The following KCNMB2 variants were observed in gnomAD, a reference collection of about 807,000 sequenced individuals.
KCNMB2 encodes calcium-activated potassium channel subunit beta-2.
In KCNMB2, 9 loss-of-function variants were observed where a neutral mutation model predicts 24.5. The ratio of observed to expected loss-of-function variants is 0.37; its 90% confidence interval spans 0.22 to 0.64. The LOEUF is 0.64. Ranked by LOEUF, KCNMB2 falls within the 30% of genes least tolerant of loss-of-function variation. The pLI, the probability that KCNMB2 is intolerant of heterozygous loss-of-function variation, is 0.63. For synonymous variants in KCNMB2, 109 were observed against 104.4 expected (o/e 1.04, Z -0.27); for missense variants, 226 against 284.3 (o/e 0.79, Z 1.47).
chr3:178,566,406 TCAAA>T (rs1260708302), intron 1 of KCNMB2, among the ~76,000 whole-genome samples: 12 of 152,044 alleles, frequency 7.9e-5, no homozygotes, highest in Non-Finnish European at 1.5e-5. Context: ...GCCGTGTCAC[TCAAA>T]CACACACGCA....
intron 1 of KCNMB2, among the ~76,000 whole-genome samples, chr3:178,637,292 A>G (rs1719562351): frequency 6.6e-6 from 1 of 152,210 alleles, no homozygotes; most frequent in African/African-American, 2.4e-5. Flanking sequence ...TGTCTTACAC[A>G]ACGGTTGAAT....
At chr3:178,691,145 A>G (rs1370633062) in intron 1 of KCNMB2, among the ~76,000 whole-genome samples, 1 of 74,422 alleles carries the variant, frequency 1.3e-5, no homozygotes, top group Non-Finnish European at 2.4e-5. Flanking sequence ...ACGGGGTTTC[A>G]CCATGTTTCC....
intron 1 of KCNMB2, among the ~76,000 whole-genome samples, chr3:178,679,666 T>C (rs889948729): frequency 3.9e-5 from 6 of 152,054 alleles, no homozygotes; most frequent in Non-Finnish European, 8.8e-5. Flanking sequence ...ATTTCAAGGA[T>C]CTTTGGAAAC....
intron 2 of KCNMB2, among the ~76,000 whole-genome samples, chr3:178,822,984 A>G (rs1193249968): frequency 6.6e-6 from 1 of 152,188 alleles, no homozygotes; most frequent in African/African-American, 2.4e-5. Flanking sequence ...AGTTAAATAC[A>G]TGTTGATAAA....
intron 4 of KCNMB2, among the ~76,000 whole-genome samples, chr3:178,833,899 G>T (rs748168995): frequency 6.6e-6 from 1 of 152,122 alleles, no homozygotes; most frequent in Admixed American, 6.5e-5. Context: ...CTACAAGAGG[G>T]CTCAAGGGTC....
At chr3:178,820,913 C>T (rs1251634840) in intron 2 of KCNMB2, among the ~76,000 whole-genome samples, 1 of 152,222 alleles carries the variant, frequency 6.6e-6, no homozygotes, top group Non-Finnish European at 1.5e-5. Flanking sequence ...TTATTGTCAA[C>T]ATGTGGTTCA....
At chr3:178,537,864 G>C (rs1306318609) in intron 1 of KCNMB2, among the ~76,000 whole-genome samples, 1 of 152,138 alleles carries the variant, frequency 6.6e-6, no homozygotes, top group Non-Finnish European at 1.5e-5. Flanking sequence ...GTATTCTGAG[G>C]CATAGATTGG....
At chr3:178,668,561 G>C (rs1720796871) in intron 1 of KCNMB2, among the ~76,000 whole-genome samples, 1 of 152,100 alleles carries the variant, frequency 6.6e-6, no homozygotes. Context: ...AGGGGGCTGA[G>C]CTTGGAAGCT....
chr3:178,759,252 T>A (rs2108405441), intron 1 of KCNMB2, among the ~76,000 whole-genome samples: 1 of 121,110 alleles, frequency 8.3e-6, no homozygotes, highest in East Asian at 2.4e-4. Flanking sequence ...TATATATATC[T>A]CTCCAAGAAG....
At chr3:178,643,380 T>C (rs908861027) in intron 1 of KCNMB2, among the ~76,000 whole-genome samples, 1 of 152,108 alleles carries the variant, frequency 6.6e-6, no homozygotes, top group Admixed American at 6.5e-5. Flanking sequence ...GTGATAAAGT[T>C]GTATAGCCCT....
At chr3:178,754,195 C>CATAT (rs144108176) in intron 1 of KCNMB2, among the ~76,000 whole-genome samples, 10,521 of 137,366 alleles carry the variant, frequency 0.077, 615 homozygotes, top group African/African-American at 0.16. Context: ...CACACACATA[C>CATAT]ATATATATAT....
At chr3:178,809,046 G>C (rs939532564) in intron 2 of KCNMB2, among the ~76,000 whole-genome samples, 1 of 152,098 alleles carries the variant, frequency 6.6e-6, no homozygotes, top group Non-Finnish European at 1.5e-5. Context: ...TTTTCTCAAG[G>C]CTTAATCAAA....
At chr3:178,834,123 A>AT (rs1464249385) in intron 4 of KCNMB2, among the ~76,000 whole-genome samples, 5 of 152,166 alleles carry the variant, frequency 3.3e-5, no homozygotes, top group Non-Finnish European at 7.4e-5. Context: ...AGCTATACCC[A>AT]TTTTTTGGTA....
At chr3:178,571,766 G>A (rs568848799) in intron 1 of KCNMB2, among the ~76,000 whole-genome samples, 15 of 151,646 alleles carry the variant, frequency 9.9e-5, no homozygotes, top group Non-Finnish European at 2.1e-4. Context: ...TCCCAATTAC[G>A]AATGAGAACA....
chr3:178,554,355 T>TG (rs1466277475), intron 1 of KCNMB2, among the ~76,000 whole-genome samples: 1 of 152,242 alleles, frequency 6.6e-6, no homozygotes, highest in East Asian at 1.9e-4. Flanking sequence ...AAATATTTAT[T>TG]GGAGTCAAAT....
At chr3:178,798,890 A>G (rs1007825948) in intron 1 of KCNMB2, among the ~76,000 whole-genome samples, 2 of 152,130 alleles carry the variant, frequency 1.3e-5, no homozygotes, top group African/African-American at 4.8e-5. Flanking sequence ...AAAAATTAAA[A>G]TTAAGAAAAA....
At chr3:178,727,506 G>C (rs139135144) in intron 1 of KCNMB2, among the ~76,000 whole-genome samples, 2 of 152,226 alleles carry the variant, frequency 1.3e-5, no homozygotes, top group African/African-American at 2.4e-5. Context: ...AAATTATCTT[G>C]TATTATCCTT....
rs548754917 is a variant in KCNMB2 at position 178,655,678 on chromosome 3, AAG to A, written c.-68+118970_-68+118971del. On this transcript the variant is annotated intron_variant, in intron 1 of 4. Coordinates refer to ENST00000452583, the MANE Select transcript of KCNMB2 (RefSeq NM_181361.3). The stretch of plus-strand genomic sequence containing the variant: ...GACAGTGCTGTGGTTTACTGGTCTG[AAG>A]AGTGAGGTTTTCAGAGGCCAGGAAC... Among the ~76,000 whole-genome samples the A allele has an allele frequency of 3.6e-3, 545 of 152,332 alleles. 1 individual carries two copies. Among genetic ancestry groups the A allele is most frequent in the Middle Eastern group, 6.8e-3 (2 of 294 alleles).
chr3:178,833,661 C>T (rs1247011929), intron 4 of KCNMB2, among the ~76,000 whole-genome samples: 3 of 152,144 alleles, frequency 2.0e-5, no homozygotes, highest in African/African-American at 7.2e-5. Context: ...TCAGGCGCTA[C>T]TGATAATAAC....
Sources: gnomAD v4.1 joint callset for allele counts (sites outside exome capture counted in the v4.1 genomes callset) on GRCh38, gnomAD v4.1.1 for gene constraint, MANE v1.5 for transcripts, NCBI Gene and HGNC (gene_info 2026-07-23, HGNC 2026-07-21) for gene names.